OR4N2: variants seen among roughly 807,000 people sequenced by gnomAD.
OR4N2 encodes the protein olfactory receptor family 4 subfamily N member 2.
For missense variants in OR4N2, 307 were observed against 377.6 expected (o/e 0.81, Z 1.55); for synonymous variants, 141 against 140.4 (o/e 1.00, Z -0.03).
intron 1 of OR4N2, among the ~76,000 whole-genome samples, chr14:19,817,176 G>C (rs866443103): frequency 0.011 from 1,730 of 151,224 alleles, 4 homozygotes; most frequent in Middle Eastern, 0.046. Context: ...TCTCTGCCAG[G>C]TTTTGGTATC....
chr14:19,822,452 G>A (rs573539680), intron 1 of OR4N2: 3 of 152,346 alleles, frequency 2.0e-5, no homozygotes, highest in South Asian at 2.1e-4. Context: ...CATTCAGCAG[G>A]TATGAAAGTT....
chr14:19,806,998 T>A (rs145122891), intron 1 of OR4N2, among the ~76,000 whole-genome samples: 12,516 of 149,650 alleles, frequency 0.084, 106 homozygotes, highest in East Asian at 0.18. Flanking sequence ...ATCAAAAAAA[T>A]TCTTTGAAAT....
intron 1 of OR4N2, among the ~76,000 whole-genome samples, chr14:19,824,939 G>T (rs1485426736): frequency 6.6e-6 from 1 of 152,198 alleles, no homozygotes; most frequent in African/African-American, 2.4e-5. Flanking sequence ...TTGCACAGGG[G>T]GTCTGCCCCC....
At chr14:19,812,678 T>C (rs1416044713) in intron 1 of OR4N2, among the ~76,000 whole-genome samples, 5 of 152,246 alleles carry the variant, frequency 3.3e-5, no homozygotes, top group Non-Finnish European at 7.3e-5. Context: ...TTTTTAATAA[T>C]AGTCCTTCTG....
At chr14:19,810,707 T>A (rs1594394093) in intron 1 of OR4N2, among the ~76,000 whole-genome samples, 1 of 152,190 alleles carries the variant, frequency 6.6e-6, no homozygotes, top group East Asian at 1.9e-4. Flanking sequence ...ATTAATGAAA[T>A]ATAAAGTAGA....
rs1879807455 is a variant in OR4N2 at position 19,829,302 on chromosome 14, A to G, written c.*930A>G. On this transcript the variant is annotated 3_prime_UTR_variant, in exon 2 of 2. Transcript: ENST00000557677. ...AGCTGTATGTTTGACCTTATTGCCA[A>G]TTGATTTCACTCTAAGTTTAATAAC... The G allele has an allele frequency of 6.6e-6, 1 of 152,250 alleles. No individual in the cohort carries two copies. The highest frequency in any genetic ancestry group is 1.5e-5 in the Non-Finnish European group (1 of 68,046). 9.4% of individuals were successfully genotyped at this position (152,250 alleles called of 1,614,324 possible).
intron 1 of OR4N2, among the ~76,000 whole-genome samples, chr14:19,823,056 A>G (rs1208346747): frequency 6.6e-6 from 1 of 152,274 alleles, no homozygotes; most frequent in Non-Finnish European, 1.5e-5. Context: ...TTTTCTGGCT[A>G]AGAATCTATA....
At chr14:19,817,247 A>T (rs1300249262) in intron 1 of OR4N2, among the ~76,000 whole-genome samples, 9 of 152,170 alleles carry the variant, frequency 5.9e-5, no homozygotes, top group Admixed American at 5.9e-4. Flanking sequence ...TATTGTTTGT[A>T]ATAGTTTCTG....
At chr14:19,809,741 G>A (rs1451488127) in intron 1 of OR4N2, among the ~76,000 whole-genome samples, 1 of 152,186 alleles carries the variant, frequency 6.6e-6, no homozygotes, top group Non-Finnish European at 1.5e-5. Flanking sequence ...ATAAAAACAA[G>A]CAATAGGGAA....
chr14:19,813,141 G>GA lies in OR4N2; in HGVS notation c.-10+9304dup, dbSNP rs1228334712. ...GATCCTGGATTATATGCACAATTATGAAAAAAATCATATTTTTAAAAGTTT... is the reference window on the plus strand; with the variant it reads ...GATCCTGGATTATATGCACAATTATGAAAAAAAATCATATTTTTAAAAGTTT... On this transcript the variant is annotated intron_variant, in intron 1 of 1. Transcript: ENST00000557677. Among the ~76,000 whole-genome samples the GA allele has an allele frequency of 2.9e-3, 447 of 152,248 alleles. 1 individual carries two copies. Among genetic ancestry groups the GA allele is most frequent in the African/African-American group, 0.01 (419 of 41,520 alleles).
Position 19,827,509 on chromosome 14 carries a change from C to G in OR4N2, c.61C>G (p.Gln21Glu). 6.2e-7 allele frequency: 1 copy of G among 1,613,324 alleles called. No homozygotes were observed. The highest frequency in any genetic ancestry group is 8.5e-7 in the Non-Finnish European group (1 of 1,179,576). The change falls in exon 2 of 2, where the codon CAA (glutamine) becomes GAA (glutamate). Residue 21 changes from glutamine (Q) to glutamate (E), a missense_variant. By Grantham distance (29) the Gln-to-Glu change is conservative (BLOSUM62 2). Transcript: ENST00000557677. ...EFILLGLTQS[Q>E]DIQLLVFVLV... is the part of the protein sequence containing the mutation. ...CATCCTCCTTGGTCTGACCCAGTCT[C>G]AAGATATTCAGCTCCTGGTCTTTGT... is the stretch of plus-strand genomic sequence containing the variant.
intron 1 of OR4N2, among the ~76,000 whole-genome samples, chr14:19,811,392 G>A (rs1307798436): frequency 1.3e-5 from 2 of 152,124 alleles, no homozygotes; most frequent in African/African-American, 4.8e-5. Flanking sequence ...TACTACAGGC[G>A]CCCACCACCA....
chr14:19,828,578 A>G lies in OR4N2; in HGVS notation c.*206A>G, dbSNP rs1879789535. On this transcript the variant is annotated 3_prime_UTR_variant, in exon 2 of 2. Coordinates refer to ENST00000557677, the MANE Select transcript of OR4N2 (RefSeq NM_001004723.3). ...AGTAAAAATAGACCACCATTAAGGT[A>G]GAAAATAAACAGCATAGTTTCAGGA... 1 of 545,746 alleles carries G rather than the reference A, an allele frequency of 1.8e-6. No homozygotes were observed. The highest frequency in any genetic ancestry group is 3.2e-6 in the Non-Finnish European group (1 of 313,858). The allele number at this position is 545,746 out of a possible 1,614,324, so 33.8% of individuals were successfully genotyped here. A position where few individuals can be genotyped will look rare whatever the true frequency, so the allele number is the denominator to read the frequency against.
Position 19,827,619 on chromosome 14 carries a change from C to T in OR4N2, c.171C>T (p.Ala57=), listed in dbSNP as rs11621883. Residue 57 remains alanine (A), a synonymous_variant, in exon 2 of 2, where the codon GCC becomes GCT. Transcript: ENST00000557677. ...TAAAGTCAGACCCTGGGCTCACAGC[C>T]CCCCTCTATTTCTTTCTGGGCAACT... is the stretch of plus-strand genomic sequence containing the variant. ...FTIKSDPGLT[A]PLYFFLGNLA... 29 of 1,604,474 alleles carry T rather than the reference C, an allele frequency of 1.8e-5. No individual in the cohort carries two copies. Among genetic ancestry groups the T allele is most frequent in the Non-Finnish European group, 2.1e-5 (25 of 1,171,838 alleles).
At chr14:19,818,354 T>A (rs1241062459) in intron 1 of OR4N2, among the ~76,000 whole-genome samples, 1 of 152,192 alleles carries the variant, frequency 6.6e-6, no homozygotes, top group African/African-American at 2.4e-5. Flanking sequence ...GCTTTATGAA[T>A]ATGAGTGCTC....
At chr14:19,822,685 G>C (rs2138478248) in intron 1 of OR4N2, among the ~76,000 whole-genome samples, 1 of 152,340 alleles carries the variant, frequency 6.6e-6, no homozygotes. Context: ...GCAGCATTCT[G>C]TCCATTCAAT....
intron 1 of OR4N2, among the ~76,000 whole-genome samples, chr14:19,821,550 T>G (rs1448472845): frequency 6.6e-5 from 10 of 152,224 alleles, no homozygotes; most frequent in Admixed American, 6.5e-5. Context: ...ATTTTTCTCC[T>G]TTTGAATTTT....
rs577956850 is a variant in OR4N2 at position 19,828,547 on chromosome 14, C to T, written c.*175C>T. On this transcript the variant is annotated 3_prime_UTR_variant, in exon 2 of 2. Transcript: ENST00000557677. ...AGGTCCATCTGCTCTCCAAGAGATA[C>T]AACCTAGTAAAAATAGACCACCATT... 9.0e-6 allele frequency: 6 copies of T among 670,266 alleles called. No homozygotes were observed. The highest frequency in any genetic ancestry group is 1.5e-5 in the Non-Finnish European group (6 of 408,958). The allele number at this position is 670,266 out of a possible 1,614,324, so 41.5% of individuals were successfully genotyped here. A position where few individuals can be genotyped will look rare whatever the true frequency, so the allele number is the denominator to read the frequency against.
chr14:19,811,172 C>A (rs1356487510), intron 1 of OR4N2, among the ~76,000 whole-genome samples: 7 of 152,350 alleles, frequency 4.6e-5, no homozygotes, highest in African/African-American at 1.7e-4. Flanking sequence ...CAAAATCTGA[C>A]ACAGGATTTT....
Sources: gnomAD v4.1 joint callset for allele counts (sites outside exome capture counted in the v4.1 genomes callset) on GRCh38, gnomAD v4.1.1 for gene constraint, MANE v1.5 for transcripts, NCBI Gene and HGNC (gene_info 2026-07-23, HGNC 2026-07-21) for gene names.